Variants in CNTNAP2 observed in about 807,000 individuals in gnomAD.
CNTNAP2 encodes the protein contactin associated protein 2, also known as contactin-associated protein-like 2.
A neutral mutation model predicts 155.2 loss-of-function variants in CNTNAP2; 98 were observed. That is an observed-to-expected ratio of 0.63 (90% CI 0.54 to 0.75). The LOEUF (loss-of-function observed/expected upper bound fraction) is 0.75, where lower values mean the gene tolerates loss of function less well. Ranked by LOEUF, CNTNAP2 falls within the 30% of genes least tolerant of loss-of-function variation. The pLI, the probability that CNTNAP2 is intolerant of heterozygous loss-of-function variation, is 0.00. For missense variants in CNTNAP2, 1,727 were observed against 1,688.1 expected, an observed-to-expected ratio of 1.02 and a Z score of -0.40; for synonymous variants, 651 against 631.2, an observed-to-expected ratio of 1.03 and a Z score of -0.47.
chr7:147,815,471 G>T (rs149559782), intron 13 of CNTNAP2, among the ~76,000 whole-genome samples: 7 of 151,944 alleles, frequency 4.6e-5, no homozygotes, highest in Admixed American at 1.3e-4. Flanking sequence ...ACATCTCAGA[G>T]CCAGCAAACA....
chr7:147,465,609 C>A (rs187128609), intron 10 of CNTNAP2, among the ~76,000 whole-genome samples: 1 of 152,288 alleles, frequency 6.6e-6, no homozygotes, highest in Admixed American at 6.5e-5. Context: ...ACAAATGTAT[C>A]ACCAATATTT....
intron 15 of CNTNAP2, among the ~76,000 whole-genome samples, chr7:147,995,890 G>A (rs1801796740): frequency 6.6e-6 from 1 of 152,154 alleles, no homozygotes; most frequent in Admixed American, 6.5e-5. Context: ...TGTATCTCAT[G>A]GCCTGCAGTT....
At chr7:147,898,498 T>C (rs1347898800) in intron 13 of CNTNAP2, among the ~76,000 whole-genome samples, 1 of 151,918 alleles carries the variant, frequency 6.6e-6, no homozygotes, top group African/African-American at 2.4e-5. Flanking sequence ...GTTATTACCA[T>C]GGAATTTTAA....
At chr7:148,091,980 T>C (rs1200944058) in intron 15 of CNTNAP2, among the ~76,000 whole-genome samples, 8 of 152,074 alleles carry the variant, frequency 5.3e-5, no homozygotes, top group Admixed American at 5.2e-4. Context: ...AGGAAGGAGG[T>C]AATTTGCTGA....
intron 1 of CNTNAP2, among the ~76,000 whole-genome samples, chr7:146,382,239 T>G (rs543352591): frequency 1.7e-4 from 26 of 152,136 alleles, no homozygotes; most frequent in African/African-American, 6.3e-4. Context: ...TCCAGACGTT[T>G]GCATCTTAAC....
At chr7:146,444,304 C>T (rs1796370144) in intron 1 of CNTNAP2, among the ~76,000 whole-genome samples, 1 of 152,158 alleles carries the variant, frequency 6.6e-6, no homozygotes, top group South Asian at 2.1e-4. Context: ...GAACTACAGG[C>T]ATGAACCACC....
intron 4 of CNTNAP2, among the ~76,000 whole-genome samples, chr7:147,064,493 C>T (rs1479952071): frequency 6.6e-6 from 1 of 152,114 alleles, no homozygotes; most frequent in Admixed American, 6.6e-5. Context: ...ACCACACCAT[C>T]TATAGAGATT....
chr7:146,567,726 A>G (rs907564880), intron 1 of CNTNAP2, among the ~76,000 whole-genome samples: 2 of 152,058 alleles, frequency 1.3e-5, no homozygotes, highest in Admixed American at 6.5e-5. Context: ...TTTTAACTTA[A>G]AACTTTTTTT....
intron 1 of CNTNAP2, among the ~76,000 whole-genome samples, chr7:146,492,080 T>C (rs1475105096): frequency 6.6e-6 from 1 of 152,128 alleles, no homozygotes; most frequent in Non-Finnish European, 1.5e-5. Flanking sequence ...TCTAGAAAGA[T>C]GGTGATTGGA....
chr7:148,166,446 A>C (rs1805660872), intron 17 of CNTNAP2, among the ~76,000 whole-genome samples: 3 of 151,340 alleles, frequency 2.0e-5, no homozygotes, highest in Non-Finnish European at 2.9e-5. Context: ...GTACTCAGGA[A>C]CCCAACTTAG....
At chr7:146,493,308 A>T (rs950941627) in intron 1 of CNTNAP2, among the ~76,000 whole-genome samples, 2 of 152,210 alleles carry the variant, frequency 1.3e-5, no homozygotes, top group Admixed American at 6.5e-5. Flanking sequence ...GGCTTCAAAA[A>T]AATCTAGAAA....
intron 10 of CNTNAP2, among the ~76,000 whole-genome samples, chr7:147,401,770 C>A (rs1347987610): frequency 6.6e-6 from 1 of 152,122 alleles, no homozygotes; most frequent in Non-Finnish European, 1.5e-5. Flanking sequence ...CCTTCACTCA[C>A]TCTCTCTCCT....
chr7:148,274,793 G>A (rs1339962403), intron 21 of CNTNAP2, among the ~76,000 whole-genome samples: 1 of 152,178 alleles, frequency 6.6e-6, no homozygotes, highest in Non-Finnish European at 1.5e-5. Flanking sequence ...AGCAGTGCAA[G>A]AACAGCCTAA....
At chr7:146,838,788 C>T (rs1207870086) in intron 2 of CNTNAP2, among the ~76,000 whole-genome samples, 1 of 152,042 alleles carries the variant, frequency 6.6e-6, no homozygotes, top group Non-Finnish European at 1.5e-5. Context: ...CTTTAAATTC[C>T]TTATTTAAAA....
intron 1 of CNTNAP2, among the ~76,000 whole-genome samples, chr7:146,721,297 A>G (rs1251814376): frequency 1.6e-5 from 2 of 123,390 alleles, no homozygotes; most frequent in South Asian, 2.5e-4. Context: ...TATATATTCT[A>G]TATATGTATT....
chr7:147,619,607 G>C (rs115051861), intron 12 of CNTNAP2, among the ~76,000 whole-genome samples: 2 of 152,216 alleles, frequency 1.3e-5, no homozygotes, highest in Non-Finnish European at 2.9e-5. Flanking sequence ...TGGAAGGAGA[G>C]AGAAGAGTGG....
rs904437943 is a variant in CNTNAP2, at chr7:146,318,947, C to G, written c.97+201974C>G. 2.6e-5 allele frequency among the ~76,000 whole-genome samples: 4 copies of G among 152,044 alleles called. No individual in the cohort carries two copies. The South Asian group carries it at 8.3e-4, about 32-fold the overall frequency. On this transcript the variant is annotated intron_variant, in intron 1 of 23. Coordinates refer to ENST00000361727, the MANE Select transcript of CNTNAP2 (RefSeq NM_014141.6). ...TAACCGATTGACAGCCAAAACAGTC[C>G]TTGGAGACAGATATCTCTTCTATTA...
At chr7:147,255,751 T>A (rs889636512) in intron 8 of CNTNAP2, among the ~76,000 whole-genome samples, 15 of 152,110 alleles carry the variant, frequency 9.9e-5, no homozygotes, top group African/African-American at 3.1e-4. Context: ...TGTTTGTTTA[T>A]TTGTTTATTT....
intron 1 of CNTNAP2, among the ~76,000 whole-genome samples, chr7:146,614,571 C>T (rs1025823381): frequency 1.9e-4 from 29 of 152,104 alleles, no homozygotes; most frequent in African/African-American, 7.0e-4. Context: ...GGGGATTCAC[C>T]CTGTAATTAT....
Sources: allele counts gnomAD v4.1 joint callset (sites outside exome capture counted in the v4.1 genomes callset), GRCh38; gene constraint gnomAD v4.1.1; transcripts MANE v1.5; gene names NCBI Gene and HGNC (gene_info 2026-07-23, HGNC 2026-07-21).